PDE8A: variants seen among roughly 807,000 people sequenced by gnomAD.
The protein encoded by PDE8A is high affinity cAMP-specific and IBMX-insensitive 3',5'-cyclic phosphodiesterase 8A.
Under a neutral mutation model 105.0 loss-of-function variants are expected in PDE8A, and 59 were observed. That is an observed-to-expected ratio of 0.56 (90% CI 0.46 to 0.70). The LOEUF is 0.70. PDE8A is among the 30% of genes least tolerant of loss of function. PDE8A has a pLI of 0.00. For synonymous variants in PDE8A, 355 were observed against 371.9 expected (o/e 0.95, Z 0.52); for missense variants, 1,014 against 1,045.9 (o/e 0.97, Z 0.42).
intron 1 of PDE8A, among the ~76,000 whole-genome samples, chr15:85,031,003 G>A (rs971418869): frequency 6.6e-6 from 1 of 152,202 alleles, no homozygotes; most frequent in Non-Finnish European, 1.5e-5. Context: ...TCAGTACTCA[G>A]TATACGTTTA....
At chr15:85,117,873 C>A (rs1195999320) in intron 17 of PDE8A, 34 bp downstream of exon 17, 15 of 1,522,024 alleles carry the variant, frequency 9.9e-6, no homozygotes, top group Non-Finnish European at 1.4e-5. Context: ...ATTTAATGGG[C>A]AGGAGCAGTG....
chr15:85,108,129 C>A (rs2141587056), intron 11 of PDE8A, among the ~76,000 whole-genome samples: 1 of 152,294 alleles, frequency 6.6e-6, no homozygotes, highest in East Asian at 1.9e-4. Flanking sequence ...TTGACACATT[C>A]ACTCTTTAGT....
At chr15:84,996,821 CT>C (rs1396680632) in intron 1 of PDE8A, among the ~76,000 whole-genome samples, 13 of 24,640 alleles carry the variant, frequency 5.3e-4, no homozygotes, top group African/African-American at 3.0e-3. Flanking sequence ...GCAAGACTCT[CT>C]CAAAAAAAAA....
intron 3 of PDE8A, among the ~76,000 whole-genome samples, chr15:85,068,873 A>G (rs1193317340): frequency 6.6e-6 from 1 of 152,212 alleles, no homozygotes. Context: ...GTTACGCTCC[A>G]CTGTTAAAAA....
chr15:85,057,616 G>T (rs566744623), intron 1 of PDE8A, among the ~76,000 whole-genome samples: 2 of 152,190 alleles, frequency 1.3e-5, no homozygotes, highest in African/African-American at 4.8e-5. Flanking sequence ...TCCATGTCGC[G>T]CACGCTGGGA....
chr15:85,082,473 G>C (rs1016805450), intron 5 of PDE8A, among the ~76,000 whole-genome samples: 2 of 152,126 alleles, frequency 1.3e-5, no homozygotes, highest in Non-Finnish European at 2.9e-5. Flanking sequence ...GGAATGTTAG[G>C]TGCCTCATAT....
intron 1 of PDE8A, among the ~76,000 whole-genome samples, chr15:85,032,132 T>C (rs1031890736): frequency 1.3e-5 from 2 of 152,244 alleles, no homozygotes; most frequent in African/African-American, 4.8e-5. Context: ...AGTGTTTGTA[T>C]AGCTCTAAGT....
chr15:85,126,425 A>G (rs1309472161), intron 20 of PDE8A, 51 bp downstream of exon 20: 4 of 1,283,998 alleles, frequency 3.1e-6, no homozygotes. Flanking sequence ...GTTAAAACCC[A>G]TAAAATCATA....
At chr15:84,982,495 C>T in intron 1 of PDE8A, 147 bp downstream of exon 1, 1 of 470,434 alleles carries the variant, frequency 2.1e-6, no homozygotes, top group Non-Finnish European at 3.4e-6. Flanking sequence ...ACGCCAGTCT[C>T]CCGCCTTGCC....
chr15:85,041,377 C>T (rs371440577), intron 1 of PDE8A, among the ~76,000 whole-genome samples: 20 of 152,176 alleles, frequency 1.3e-4, no homozygotes, highest in Non-Finnish European at 2.4e-4. Flanking sequence ...CAACAAGAAC[C>T]GTTTGCCTGC....
chr15:85,109,460 A>G (rs1425306611), intron 12 of PDE8A, among the ~76,000 whole-genome samples: 1 of 152,178 alleles, frequency 6.6e-6, no homozygotes, highest in Non-Finnish European at 1.5e-5. Flanking sequence ...GATCTATCCC[A>G]TCGTGGTTTG....
intron 2 of PDE8A, among the ~76,000 whole-genome samples, 182 bp downstream of exon 2, chr15:85,064,608 A>T (rs1005474453): frequency 6.6e-6 from 1 of 152,204 alleles, no homozygotes; most frequent in African/African-American, 2.4e-5. Context: ...GTTCTTAGAA[A>T]TACACATTGT....
intron 5 of PDE8A, among the ~76,000 whole-genome samples, chr15:85,081,354 CTG>C (rs1416401307): frequency 2.0e-5 from 3 of 152,130 alleles, no homozygotes; most frequent in African/African-American, 7.2e-5. Context: ...CCTAGGGAGT[CTG>C]TTTCAGTTGG....
chr15:85,021,559 TA>T (rs75255453), intron 1 of PDE8A, among the ~76,000 whole-genome samples: 40 of 146,480 alleles, frequency 2.7e-4, no homozygotes, highest in Admixed American at 2.7e-4. Context: ...CCCTGGCTCT[TA>T]AAAAAAAAAA....
chr15:85,118,396 A>G (rs1187209027), intron 17 of PDE8A, among the ~76,000 whole-genome samples: 1 of 151,948 alleles, frequency 6.6e-6, no homozygotes, highest in Non-Finnish European at 1.5e-5. Flanking sequence ...TCACACCTAA[A>G]TGTTCTCAGA....
chr15:84,987,081 T>C (rs2079813811), intron 1 of PDE8A, among the ~76,000 whole-genome samples: 1 of 152,240 alleles, frequency 6.6e-6, no homozygotes, highest in African/African-American at 2.4e-5. Flanking sequence ...CCAAACTTTC[T>C]GCTGCCATAG....
At chr15:85,062,458 A>G (rs1177317786) in intron 1 of PDE8A, 1 of 152,266 alleles carries the variant, frequency 6.6e-6, no homozygotes, top group East Asian at 1.9e-4. Context: ...AAAGAGAAAA[A>G]TGAAAGGAGA....
intron 5 of PDE8A, among the ~76,000 whole-genome samples, chr15:85,082,092 T>A (rs1290398917): frequency 1.3e-5 from 2 of 152,144 alleles, no homozygotes; most frequent in Non-Finnish European, 1.5e-5. Flanking sequence ...TCCCTGTCCC[T>A]GCCCAATCAG....
At chr15:85,047,861 T>C (rs573289534) in intron 1 of PDE8A, among the ~76,000 whole-genome samples, 1 of 152,338 alleles carries the variant, frequency 6.6e-6, no homozygotes, top group South Asian at 2.1e-4. Flanking sequence ...AATATGTATA[T>C]ACATACTTTT....
Sources: allele counts gnomAD v4.1 joint callset (sites outside exome capture counted in the v4.1 genomes callset), GRCh38; gene constraint gnomAD v4.1.1; transcripts MANE v1.5; gene names NCBI Gene and HGNC (gene_info 2026-07-23, HGNC 2026-07-21).